Variants in PSG11 observed in about 807,000 individuals in gnomAD.
PSG11 encodes the protein pregnancy specific beta-1-glycoprotein 11, also known as pregnancy-specific beta-1-glycoprotein 11.
PSG11 carries 42 observed loss-of-function variants against 36.0 expected under a neutral mutation model. The ratio of observed to expected loss-of-function variants is 1.17; its 90% CI spans 0.91 to 1.51. PSG11 has a LOEUF of 1.51. Ranked by LOEUF, PSG11 falls within the 40% of genes most tolerant of loss-of-function variation. The probability of loss-of-function intolerance (pLI) is 0.00; values close to 1 mark genes in which losing one functional copy is unlikely to be tolerated. For missense variants in PSG11, 558 were observed against 403.5 expected, an observed-to-expected ratio of 1.38 and a Z score of -3.28; for synonymous variants, 206 against 153.5, an observed-to-expected ratio of 1.34 and a Z score of -2.53.
chr19:43,026,294 A>T lies in PSG11; in HGVS notation c.64+15T>A. 6.2e-7 allele frequency: 1 copy of T among 1,609,956 alleles called. No homozygotes were observed. On this transcript the variant is annotated intron_variant, in intron 1 of 5. Coordinates refer to ENST00000320078, the MANE Select transcript of PSG11 (RefSeq NM_002785.3). ...CTTCCTCCTCCTGTCCTCTCCCAGG[A>T]AGTTCTCTCCTCACCTGTGAGCAGG...
rs1966959229 is a variant in PSG11, at chr19:43,016,102, G to A, written c.710-732C>T. On this transcript the variant is annotated intron_variant, in intron 3 of 5. Transcript: ENST00000320078. ...TGTGGCACCTTTGATTCCTCCACAG[G>A]CATCCTTCAATCAGAGTTGGCATCT... 1.2e-5 allele frequency: 18 copies of A among 1,552,852 alleles called. 1 individual carries two copies. The highest frequency in any genetic ancestry group is 1.4e-5 in the Non-Finnish European group (16 of 1,149,302).
rs1322697295 is a variant in PSG11, at chr19:43,024,846, C to T, written c.275G>A (p.Gly92Glu). Residue 92 changes from glycine to glutamate, a missense_variant, in exon 2 of 6, where the codon GGA (glycine) becomes GAA (glutamate). Coordinates refer to ENST00000320078, the MANE Select transcript of PSG11 (RefSeq NM_002785.3). ...TGTTTCTCGTCCACTGTATGCCGGT[C>T]CATATATAATTATTTGACCGTCTAC... ...YVVDGQIIIY[G>E]PAYSGRETVY... The T allele has an allele frequency of 7.4e-6, 12 of 1,611,690 alleles. 1 individual carries two copies. Among genetic ancestry groups the T allele is most frequent in the African/African-American group, 1.3e-5 (1 of 74,248 alleles).
chr19:43,019,271 A>T lies in PSG11; in HGVS notation c.431-223T>A, dbSNP rs552485252. 3.0e-4 allele frequency: 306 copies of T among 1,017,194 alleles called. 5 individuals carry two copies. Among genetic ancestry groups the T allele is most frequent in the Admixed American group, 6.9e-4 (23 of 33,236 alleles). 63.0% of individuals were successfully genotyped at this position (1,017,194 alleles called of 1,614,324 possible). A position where few individuals can be genotyped will look rare whatever the true frequency, so the allele number is the denominator to read the frequency against. On this transcript the variant is annotated intron_variant, in intron 2 of 5. Transcript: ENST00000320078. ...AGAAGCACAGACTTTCTCAGGTGTG[A>T]ATTGAGCAGCAGCATTGGGTCATGG...
chr19:43,021,895 G>C (rs1361899951), intron 2 of PSG11, among the ~76,000 whole-genome samples: 1 of 151,414 alleles, frequency 6.6e-6, no homozygotes, highest in African/African-American at 2.4e-5. Context: ...GTGAGTCAGT[G>C]CAGAGATTAC....
At chr19:43,025,228 A>T (rs2526711) in intron 1 of PSG11, 172 bp from the exon 2 acceptor site, 3 of 1,211,012 alleles carry the variant, frequency 2.5e-6, no homozygotes, top group South Asian at 1.5e-5. Flanking sequence ...GTGTTTGTGT[A>T]TGTGTATGTG....
chr19:43,015,483 G>T, intron 3 of PSG11, 113 bp from the exon 4 acceptor site: 1 of 1,398,938 alleles, frequency 7.1e-7, no homozygotes, highest in Non-Finnish European at 9.7e-7. Context: ...TCAAGTCCCA[G>T]CCAAACCCCC....
rs568212382 is a variant in PSG11, at chr19:43,008,283, T to A, written c.*41-241A>T. Among the ~76,000 whole-genome samples, 5 of 151,182 alleles carry A rather than the reference T, an allele frequency of 3.3e-5. No individual in the cohort carries two copies. The East Asian group carries it at 9.7e-4, about 29-fold the overall frequency. The stretch of plus-strand genomic sequence containing the variant: ...TTTTTAGAACACTCATTTTTTTAAA[T>A]TTTTTTTGAGATGGAGTCTCACTCT... On this transcript the variant is annotated intron_variant, in intron 5 of 5. Transcript: ENST00000320078.
At chr19:43,025,340 G>A in intron 1 of PSG11, 1 of 481,068 alleles carries the variant, frequency 2.1e-6, no homozygotes, top group East Asian at 4.6e-5. Flanking sequence ...CTCTTCCCCA[G>A]GGGTCCGCAT....
At position 43,007,814 on chromosome 19, in the gene PSG11, G is replaced by A. The variant is rs12610565; in HGVS notation, c.*269C>T. 0.55 allele frequency: 164,597 copies of A among 297,854 alleles called. 49,410 individuals are homozygous for A. The highest frequency in any genetic ancestry group is 1 in the East Asian group (20,687 of 20,752). The allele number at this position is 297,854 out of a possible 1,614,324, so 18.5% of individuals were successfully genotyped here. A position where few individuals can be genotyped will look rare whatever the true frequency, so the allele number is the denominator to read the frequency against. ...AAGAAAAAAATTCATAAATCTGGAG[G>A]ATAAAACATTCAAAAAATCAGCACA... On this transcript the variant is annotated 3_prime_UTR_variant, in exon 6 of 6. Transcript: ENST00000320078.
rs751169576 is a variant in PSG11 at position 43,018,880 on chromosome 19, C to T, written c.599G>A (p.Arg200Lys). ...THRMQLSETN[R>K]TLFLFGVTKY... ...TGTGACACCAAATAGAAAGAGGGTC[C>T]TGTTGGTTTCAGACAGCTGCATCCT... The change falls in exon 3 of 6, where the codon AGG (arginine) becomes AAG (lysine). Residue 200 changes from arginine (R) to lysine (K), a missense_variant. Physicochemically the swap from Arg to Lys is conservative, Grantham distance 26. Transcript: ENST00000320078. 1 of 1,612,010 alleles carries T rather than the reference C, an allele frequency of 6.2e-7. No individual in the cohort carries two copies. Among genetic ancestry groups the T allele is most frequent in the South Asian group, 1.1e-5 (1 of 90,848 alleles).
In PSG11 at chr19:43,018,059, T is replaced by C. The variant is rs527867712; in HGVS notation, c.709+711A>G. Among the ~76,000 whole-genome samples the C allele has an allele frequency of 4.0e-5, 6 of 151,356 alleles. 1 individual carries two copies. In the East Asian group the frequency reaches 7.8e-4, roughly 20 times the overall value. The stretch of plus-strand genomic sequence containing the variant: ...CAGAGGGCAGGTGGCTCTTCCCTGA[T>C]AGCTAGATAGACTTCCCTGGAAAAC... On this transcript the variant is annotated intron_variant, in intron 3 of 5. Coordinates refer to ENST00000320078, the MANE Select transcript of PSG11 (RefSeq NM_002785.3).
At position 43,025,071 on chromosome 19, in the gene PSG11, G is replaced by T; in HGVS notation, c.65-15C>A. ...TAAAAGTAATGCTAGGAGGTGGAGAGAGCATCAGTCAATATTGAGACCTAT... is the reference window on the plus strand; with the variant it reads ...TAAAAGTAATGCTAGGAGGTGGAGATAGCATCAGTCAATATTGAGACCTAT... On this transcript the variant is annotated splice_polypyrimidine_tract_variant and intron_variant, in intron 1 of 5. Coordinates refer to ENST00000320078, the MANE Select transcript of PSG11 (RefSeq NM_002785.3). 10 of 1,604,988 alleles carry T rather than the reference G, an allele frequency of 6.2e-6. 1 individual carries two copies. The highest frequency in any genetic ancestry group is 7.7e-6 in the Non-Finnish European group (9 of 1,175,394).
intron 4 of PSG11, chr19:43,014,234 A>G: frequency 1.6e-6 from 1 of 621,272 alleles, no homozygotes; most frequent in South Asian, 7.3e-5. Flanking sequence ...GAAACAGTTA[A>G]TGGTAAGCCT....
chr19:43,013,910 A>G (rs192944743), intron 4 of PSG11, among the ~76,000 whole-genome samples: 3 of 151,540 alleles, frequency 2.0e-5, no homozygotes, highest in African/African-American at 7.3e-5. Context: ...AAGGAGGTGT[A>G]TCTATACATT....
In PSG11 at chr19:43,024,418, T is replaced by A. The variant is rs556290911; in HGVS notation, c.430+273A>T. ...TCAAATTTATGAAGAGGGCATGAGG[T>A]GCTTGGCTGAGACTGATCTCCTCCT... On this transcript the variant is annotated intron_variant, in intron 2 of 5. Coordinates refer to ENST00000320078, the MANE Select transcript of PSG11 (RefSeq NM_002785.3). 1,176 of 565,432 alleles carry A rather than the reference T, an allele frequency of 2.1e-3. 32 individuals carry two copies. The highest frequency in any genetic ancestry group is 0.021 in the African/African-American group (1,077 of 52,406). The allele number at this position is 565,432 out of a possible 1,614,324, so 35.0% of individuals were successfully genotyped here. A position where few individuals can be genotyped will look rare whatever the true frequency, so the allele number is the denominator to read the frequency against.
In PSG11 at chr19:43,007,837, A is replaced by T; in HGVS notation, c.*246T>A. On this transcript the variant is annotated 3_prime_UTR_variant, in exon 6 of 6. Coordinates refer to ENST00000320078, the MANE Select transcript of PSG11 (RefSeq NM_002785.3). Reference sequence around the variant, plus strand: ...AGGATAAAACATTCAAAAAATCAGCACATTTTCCAATAAAAAATTATGAAA... The same window carrying T: ...AGGATAAAACATTCAAAAAATCAGCTCATTTTCCAATAAAAAATTATGAAA... 3.2e-6 allele frequency: 1 copy of T among 311,494 alleles called. No homozygotes were observed. The highest frequency in any genetic ancestry group is 5.2e-5 in the Admixed American group (1 of 19,282). The allele number at this position is 311,494 out of a possible 1,614,324, so 19.3% of individuals were successfully genotyped here.
intron 2 of PSG11, chr19:43,019,272 A>C (rs1318768905): frequency 5.0e-6 from 5 of 998,492 alleles, no homozygotes; most frequent in Non-Finnish European, 7.0e-6. Flanking sequence ...TCAGGTGTGA[A>C]TTGAGCAGCA....
chr19:43,019,155 C>A (rs557150304), intron 2 of PSG11, 107 bp from the exon 3 acceptor site: 8 of 1,532,828 alleles, frequency 5.2e-6, no homozygotes, highest in Non-Finnish European at 7.0e-6. Flanking sequence ...CACCCGAGTC[C>A]CTAAAAGCCC....
In PSG11 at chr19:43,015,256, A is replaced by G. The variant is rs1362052531; in HGVS notation, c.824T>C (p.Ile275Thr). Residue 275 changes from isoleucine to threonine, a missense_variant, in exon 4 of 6, where the codon ATT becomes ACT. By Grantham distance (89) the Ile-to-Thr change is moderately conservative. Coordinates refer to ENST00000320078, the MANE Select transcript of PSG11 (RefSeq NM_002785.3). ...SNPPAQYSWT[I>T]NGKFQLSGQK... The stretch of plus-strand genomic sequence containing the variant: ...TCCTGATAGCTGAAACTTCCCATTA[A>G]TTGTCCAAGAATACTGTGCTGGTGG... 6.2e-7 allele frequency: 1 copy of G among 1,611,510 alleles called. No homozygotes were observed. The highest frequency in any genetic ancestry group is 1.7e-5 in the Admixed American group (1 of 59,894).
Sources: allele counts gnomAD v4.1 joint callset (sites outside exome capture counted in the v4.1 genomes callset), GRCh38; gene constraint gnomAD v4.1.1; transcripts MANE v1.5; gene names NCBI Gene and HGNC (gene_info 2026-07-23, HGNC 2026-07-21).